Variants in CYP2C19 observed in about 807,000 individuals in gnomAD.
The protein encoded by CYP2C19 is cytochrome P450 2C19.
CYP2C19 carries 59 observed loss-of-function variants against 40.9 expected under a neutral mutation model. The ratio of observed to expected loss-of-function variants is 1.44; its 90% CI spans 1.17 to 1.79. The LOEUF (loss-of-function observed/expected upper bound fraction) is 1.79, where lower values mean the gene tolerates loss of function less well. Ranked by LOEUF, CYP2C19 falls within the 40% of genes most tolerant of loss-of-function variation. CYP2C19 has a pLI of 0.00. For synonymous variants in CYP2C19, 253 were observed against 208.7 expected (o/e 1.21, Z -1.83); for missense variants, 754 against 596.9 (o/e 1.26, Z -2.74).
intron 5 of CYP2C19, among the ~76,000 whole-genome samples, chr10:94,799,277 G>C (rs948342752): frequency 1.3e-5 from 2 of 151,688 alleles, no homozygotes; most frequent in African/African-American, 4.8e-5. Flanking sequence ...AGTTTGGCTG[G>C]ATATGAAATT....
Position 94,849,472 on chromosome 10 carries a change from AT to A in CYP2C19, c.1150-437del, listed in dbSNP as rs569789069. Among the ~76,000 whole-genome samples the A allele has an allele frequency of 3.1e-3, 467 of 151,878 alleles. 3 individuals are homozygous for A. The highest frequency in any genetic ancestry group is 0.011 in the African/African-American group (444 of 41,448). On this transcript the variant is annotated intron_variant, in intron 7 of 8. Transcript: ENST00000371321. ...TCAAGAAATCCTATAGGACTTTGGG[AT>A]TTTTTTTAAATTTTATTATCATTAT...
chr10:94,763,875 G>A (rs1291378248), intron 1 of CYP2C19, among the ~76,000 whole-genome samples: 4 of 152,086 alleles, frequency 2.6e-5, no homozygotes, highest in Non-Finnish European at 1.5e-5. Flanking sequence ...TAAAGATATT[G>A]TGCCAGAGTT....
intron 6 of CYP2C19, among the ~76,000 whole-genome samples, chr10:94,842,535 T>C (rs1178703253): frequency 6.6e-6 from 1 of 152,060 alleles, no homozygotes; most frequent in Non-Finnish European, 1.5e-5. Flanking sequence ...TTTTTGTTAT[T>C]TGTTTACTGG....
intron 7 of CYP2C19, among the ~76,000 whole-genome samples, chr10:94,844,649 T>C (rs962413412): frequency 6.6e-6 from 1 of 152,214 alleles, no homozygotes; most frequent in African/African-American, 2.4e-5. Flanking sequence ...TGTCACTTTT[T>C]GAAGAAGACA....
chr10:94,770,294 T>C (rs1848309920), intron 1 of CYP2C19, among the ~76,000 whole-genome samples: 1 of 152,178 alleles, frequency 6.6e-6, no homozygotes, highest in Non-Finnish European at 1.5e-5. Context: ...TGCCTTGGCA[T>C]AGCAGACATG....
chr10:94,816,749 C>G (rs1051923707), intron 5 of CYP2C19, among the ~76,000 whole-genome samples: 6 of 135,606 alleles, frequency 4.4e-5, no homozygotes, highest in Non-Finnish European at 7.7e-5. Flanking sequence ...CCACATCAGT[C>G]CCCAGAGTGT....
chr10:94,794,571 T>C lies in CYP2C19; in HGVS notation c.819+12574T>C, dbSNP rs1039937986. Among the ~76,000 whole-genome samples, 7 of 152,306 alleles carry C rather than the reference T, an allele frequency of 4.6e-5. No homozygotes were observed. In the South Asian group the frequency reaches 1.2e-3, roughly 27 times the overall value. ...TTTTCCATTTCTTTGTGTCCTCTTTTATTTTGTTGAGCAGTGGTTGGTAGT... is the reference window on the plus strand; with the variant it reads ...TTTTCCATTTCTTTGTGTCCTCTTTCATTTTGTTGAGCAGTGGTTGGTAGT... On this transcript the variant is annotated intron_variant, in intron 5 of 8. Transcript: ENST00000371321.
intron 5 of CYP2C19, among the ~76,000 whole-genome samples, chr10:94,795,381 A>G (rs1178782058): frequency 1.3e-5 from 2 of 151,736 alleles, no homozygotes; most frequent in Non-Finnish European, 2.9e-5. Context: ...TATGTGCCAC[A>G]TTTTCTTAAT....
At chr10:94,810,662 G>C (rs1239658501) in intron 5 of CYP2C19, among the ~76,000 whole-genome samples, 1 of 152,130 alleles carries the variant, frequency 6.6e-6, no homozygotes, top group Non-Finnish European at 1.5e-5. Flanking sequence ...AGATTTTCTA[G>C]TTTATTTGCA....
intron 5 of CYP2C19, among the ~76,000 whole-genome samples, chr10:94,797,637 G>C (rs1003342133): frequency 6.6e-6 from 1 of 151,834 alleles, no homozygotes; most frequent in African/African-American, 2.4e-5. Context: ...TTTTTGGTTG[G>C]TAGGCTATTA....
chr10:94,835,296 G>C (rs1020868921), intron 6 of CYP2C19, among the ~76,000 whole-genome samples: 1 of 152,136 alleles, frequency 6.6e-6, no homozygotes, highest in South Asian at 2.1e-4. Context: ...CATCTGATGG[G>C]TGCTATCAAT....
intron 6 of CYP2C19, among the ~76,000 whole-genome samples, chr10:94,824,991 ATT>A (rs1415347350): frequency 7.1e-6 from 1 of 139,974 alleles, no homozygotes; most frequent in South Asian, 2.4e-4. Context: ...TGAACTCATC[ATT>A]TTTTATGGCT....
At position 94,851,659 on chromosome 10, in the gene CYP2C19, G is replaced by A. The variant is rs182008783; in HGVS notation, c.1292-1074G>A. ...TCAGCAAGTTCACTGTCTGGTGAGG[G>A]CCTGTTCCTTATTGATAATACCCCC... is the stretch of plus-strand genomic sequence containing the variant. On this transcript the variant is annotated intron_variant, in intron 8 of 8. Transcript: ENST00000371321. 4.4e-3 allele frequency among the ~76,000 whole-genome samples: 665 copies of A among 152,106 alleles called. 6 individuals carry two copies. The highest frequency in any genetic ancestry group is 7.2e-3 in the Non-Finnish European group (488 of 67,994).
chr10:94,841,760 T>G (rs1036481586), intron 6 of CYP2C19, among the ~76,000 whole-genome samples: 1 of 152,234 alleles, frequency 6.6e-6, no homozygotes, highest in African/African-American at 2.4e-5. Flanking sequence ...CACTGGCCAT[T>G]CATGAGCATA....
chr10:94,815,840 A>T (rs1848993558), intron 5 of CYP2C19, among the ~76,000 whole-genome samples: 4 of 152,156 alleles, frequency 2.6e-5, no homozygotes, highest in Admixed American at 2.6e-4. Flanking sequence ...TACAATTTCA[A>T]CTTTATAATG....
Position 94,853,087 on chromosome 10 carries a change from C to T in CYP2C19, c.*173C>T. 3.1e-6 allele frequency: 2 copies of T among 646,348 alleles called. No homozygotes were observed. Among genetic ancestry groups the T allele is most frequent in the Non-Finnish European group, 5.3e-6 (2 of 378,944 alleles). The allele number at this position is 646,348 out of a possible 1,614,324, so 40.0% of individuals were successfully genotyped here. A position where few individuals can be genotyped will look rare whatever the true frequency, so the allele number is the denominator to read the frequency against. ...AAAAAGTTTCACTGTGCAAATATAT[C>T]TGCTATTCCCCATACTCTATAATAG... On this transcript the variant is annotated 3_prime_UTR_variant, in exon 9 of 9. Coordinates refer to ENST00000371321, the MANE Select transcript of CYP2C19 (RefSeq NM_000769.4).
intron 7 of CYP2C19, among the ~76,000 whole-genome samples, chr10:94,845,289 G>A (rs1378616869): frequency 1.3e-5 from 2 of 152,160 alleles, no homozygotes; most frequent in Admixed American, 6.5e-5. Flanking sequence ...AGCAGTCATA[G>A]ACAATGTACA....
intron 6 of CYP2C19, among the ~76,000 whole-genome samples, chr10:94,829,891 C>A (rs1849299154): frequency 6.6e-6 from 1 of 152,102 alleles, no homozygotes; most frequent in Non-Finnish European, 1.5e-5. Context: ...CCCTCAGCTG[C>A]AGGTCTGTTG....
chr10:94,828,965 T>C (rs1234875849), intron 6 of CYP2C19, among the ~76,000 whole-genome samples: 1 of 152,072 alleles, frequency 6.6e-6, no homozygotes, highest in Non-Finnish European at 1.5e-5. Flanking sequence ...TGAAAATTCT[T>C]TTCTTTAAGA....
Sources: gnomAD v4.1 joint callset for allele counts (sites outside exome capture counted in the v4.1 genomes callset) on GRCh38, gnomAD v4.1.1 for gene constraint, MANE v1.5 for transcripts, NCBI Gene and HGNC (gene_info 2026-07-23, HGNC 2026-07-21) for gene names.